The following PGD variants were observed in gnomAD, a reference collection of about 807,000 sequenced individuals.
PGD encodes phosphogluconate dehydrogenase.
PGD carries 21 observed loss-of-function variants against 60.4 expected under a neutral mutation model. The ratio of observed to expected loss-of-function variants is 0.35; its 90% CI spans 0.25 to 0.50. The LOEUF is 0.50. Among genes scored for constraint, PGD ranks in the 20% least tolerant of loss-of-function variants. The pLI, the probability that PGD is intolerant of heterozygous loss-of-function variation, is 0.98. For synonymous variants in PGD, 230 were observed against 235.9 expected, an observed-to-expected ratio of 0.97 and a Z score of 0.23; for missense variants, 477 against 613.1, an observed-to-expected ratio of 0.78 and a Z score of 2.34.
intron 8 of PGD, among the ~76,000 whole-genome samples, chr1:10,413,952 A>C (rs889332087): frequency 5.9e-5 from 9 of 152,000 alleles, no homozygotes; most frequent in African/African-American, 2.2e-4. Context: ...GCTACTCAGG[A>C]GGTTGAGCCA....
At chr1:10,414,373 A>T (rs35759975) in intron 8 of PGD, among the ~76,000 whole-genome samples, 53,022 of 151,672 alleles carry the variant, frequency 0.35, 9,411 homozygotes, top group Admixed American at 0.38. Flanking sequence ...GGTGGTTTTC[A>T]GTGTGTTTGT....
intron 6 of PGD, among the ~76,000 whole-genome samples, chr1:10,408,739 G>C (rs1639448624): frequency 6.6e-6 from 1 of 152,170 alleles, no homozygotes; most frequent in Non-Finnish European, 1.5e-5. Flanking sequence ...CTCCTGAGTA[G>C]CTGGGACTGC....
rs184632518 is a variant in PGD, at chr1:10,405,730, G to A, written c.449+1451G>A. Among the ~76,000 whole-genome samples, 1,063 of 151,910 alleles carry A rather than the reference G, an allele frequency of 7.0e-3. 6 individuals carry two copies. Among genetic ancestry groups the A allele is most frequent in the Non-Finnish European group, 0.011 (751 of 67,942 alleles). The stretch of plus-strand genomic sequence containing the variant: ...GGGCACCTCTAATCCCAGCTACATG[G>A]GAGGCTGAGGCACAAGAATCACTTG... On this transcript the variant is annotated intron_variant, in intron 5 of 12. Transcript: ENST00000270776.
intron 1 of PGD, 50 bp from the exon 2 acceptor site, chr1:10,399,579 C>T (rs1308089621): frequency 2.8e-5 from 42 of 1,513,686 alleles, no homozygotes; most frequent in Non-Finnish European, 3.8e-5. Flanking sequence ...TGGGTTGCAG[C>T]GCGTCGAGCG....
At chr1:10,399,791 C>CT in intron 2 of PGD, 87 bp downstream of exon 2, 3 of 1,139,232 alleles carry the variant, frequency 2.6e-6, no homozygotes, top group Non-Finnish European at 4.0e-6. Flanking sequence ...TACGGGTCTC[C>CT]TGGCCGTGCT....
At chr1:10,415,615 T>C (rs1399999436) in intron 8 of PGD, among the ~76,000 whole-genome samples, 3 of 152,208 alleles carry the variant, frequency 2.0e-5, no homozygotes, top group Non-Finnish European at 4.4e-5. Flanking sequence ...AGTCATCCTG[T>C]GTGTGCATTT....
rs767748446 is a variant in PGD, at chr1:10,403,100, CATT to C, written c.295_297del (p.Ile99del). ...CATTGTTGGATACTGGTGACATCATCATTGACGGAGGAAATTCTGAATATAGGG... is the reference window on the plus strand; with the variant it reads ...CATTGTTGGATACTGGTGACATCATCGACGGAGGAAATTCTGAATATAGGG... On this transcript the variant is annotated inframe_deletion, in exon 4 of 13. Transcript: ENST00000270776. The C allele has an allele frequency of 1.9e-6, 3 of 1,610,924 alleles. No homozygotes were observed. Among genetic ancestry groups the C allele is most frequent in the Non-Finnish European group, 2.5e-6 (3 of 1,177,166 alleles).
At chr1:10,406,926 A>G (rs1030618635) in intron 5 of PGD, among the ~76,000 whole-genome samples, 1 of 152,234 alleles carries the variant, frequency 6.6e-6, no homozygotes, top group East Asian at 1.9e-4. Context: ...TATAAGGAGA[A>G]ATAAAGAAAA....
intron 11 of PGD, 116 bp from the exon 12 acceptor site, chr1:10,419,301 G>A (rs1639649067): frequency 7.1e-7 from 1 of 1,398,662 alleles, no homozygotes; most frequent in African/African-American, 1.4e-5. Flanking sequence ...ACAGGCGTGA[G>A]CCACCGCGCC....
intron 7 of PGD, among the ~76,000 whole-genome samples, chr1:10,411,844 C>G (rs1000530304): frequency 6.6e-6 from 1 of 152,198 alleles, no homozygotes; most frequent in Non-Finnish European, 1.5e-5. Context: ...CCACAGTTGT[C>G]CCACATGGCA....
chr1:10,410,188 T>C (rs1639476437), intron 6 of PGD, among the ~76,000 whole-genome samples: 1 of 152,046 alleles, frequency 6.6e-6, no homozygotes, highest in Non-Finnish European at 1.5e-5. Context: ...TGGTGGCTCA[T>C]GCCTGGAATC....
At chr1:10,402,547 G>T (rs752704768) in intron 3 of PGD, among the ~76,000 whole-genome samples, 1 of 151,152 alleles carries the variant, frequency 6.6e-6, no homozygotes, top group Non-Finnish European at 1.5e-5. Flanking sequence ...TTTTGAGACG[G>T]GGTCTCACTC....
intron 2 of PGD, 122 bp from the exon 3 acceptor site, chr1:10,400,271 A>G: frequency 1.5e-6 from 1 of 678,536 alleles, no homozygotes; most frequent in South Asian, 1.9e-5. Flanking sequence ...GGGGAAGAAA[A>G]GGCAAAGGCA....
chr1:10,404,370 C>T (rs1220649489), intron 5 of PGD, 91 bp downstream of exon 5: 2 of 672,414 alleles, frequency 3.0e-6, no homozygotes, highest in Non-Finnish European at 4.9e-6. Context: ...ACCCTGATCT[C>T]TGTGGTGCCC....
At chr1:10,399,277 G>C in intron 1 of PGD, 152 bp downstream of exon 1, 1 of 934,552 alleles carries the variant, frequency 1.1e-6, no homozygotes, top group Non-Finnish European at 1.6e-6. Flanking sequence ...ACGGCGTCTC[G>C]GGCCCAGAGC....
chr1:10,407,309 G>A (rs940827057), intron 5 of PGD, among the ~76,000 whole-genome samples: 2 of 152,194 alleles, frequency 1.3e-5, no homozygotes, highest in Admixed American at 1.3e-4. Flanking sequence ...AATTAGCTGG[G>A]TGTGATGGCA....
chr1:10,419,348 T>C (rs1025227405), intron 11 of PGD, 69 bp from the exon 12 acceptor site: 1 of 1,557,938 alleles, frequency 6.4e-7, no homozygotes, highest in African/African-American at 1.4e-5. Flanking sequence ...CCCACATTGA[T>C]ATGAATGAAA....
intron 5 of PGD, among the ~76,000 whole-genome samples, chr1:10,405,100 C>T (rs1226450885): frequency 5.3e-5 from 8 of 152,190 alleles, no homozygotes; most frequent in South Asian, 2.1e-4. Context: ...ATTGGCCGGG[C>T]GTGGTGGCTC....
chr1:10,401,537 C>T (rs1639315896), intron 3 of PGD, among the ~76,000 whole-genome samples: 1 of 152,022 alleles, frequency 6.6e-6, no homozygotes, highest in Non-Finnish European at 1.5e-5. Context: ...CACTGTTTTT[C>T]AATCAAATGA....
Sources: gnomAD v4.1 joint callset for allele counts (sites outside exome capture counted in the v4.1 genomes callset) on GRCh38, gnomAD v4.1.1 for gene constraint, MANE v1.5 for transcripts, NCBI Gene and HGNC (gene_info 2026-07-23, HGNC 2026-07-21) for gene names.